Variants in LRRC4C observed in about 807,000 individuals in gnomAD.
LRRC4C encodes leucine-rich repeat-containing protein 4C.
Under a neutral mutation model 33.6 loss-of-function variants are expected in LRRC4C, and 5 were observed. The observed-to-expected ratio is 0.15, with a 90% CI of 0.08 to 0.31. The LOEUF (loss-of-function observed/expected upper bound fraction) is 0.31, where lower values mean the gene tolerates loss of function less well. LRRC4C is among the 10% of genes least tolerant of loss of function. The pLI is 1.00. For synonymous variants in LRRC4C, 329 were observed against 302.0 expected, an observed-to-expected ratio of 1.09 and a Z score of -0.93; for missense variants, 560 against 796.7, an observed-to-expected ratio of 0.70 and a Z score of 3.58.
At chr11:41,279,240 T>G (rs549642569) in intron 1 of LRRC4C, among the ~76,000 whole-genome samples, 1 of 152,262 alleles carries the variant, frequency 6.6e-6, no homozygotes, top group South Asian at 2.1e-4. Context: ...TCCATGTGTT[T>G]GCTATAGTGA....
chr11:40,773,747 A>T (rs1334281723), intron 2 of LRRC4C, among the ~76,000 whole-genome samples: 2 of 152,240 alleles, frequency 1.3e-5, no homozygotes, highest in Non-Finnish European at 2.9e-5. Flanking sequence ...TCAAATACAG[A>T]CAATAAACCA....
At chr11:40,806,371 T>G (rs1355178026) in intron 2 of LRRC4C, among the ~76,000 whole-genome samples, 1 of 152,230 alleles carries the variant, frequency 6.6e-6, no homozygotes, top group Non-Finnish European at 1.5e-5. Flanking sequence ...CCTCCAGCTT[T>G]ATTTGTAGCT....
At chr11:41,032,461 T>G (rs950939498) in intron 1 of LRRC4C, among the ~76,000 whole-genome samples, 2 of 151,238 alleles carry the variant, frequency 1.3e-5, no homozygotes, top group African/African-American at 4.9e-5. Flanking sequence ...GTGTGTGTGG[T>G]TTTTTTTTAG....
At chr11:40,744,039 A>T (rs756109630) in intron 2 of LRRC4C, among the ~76,000 whole-genome samples, 8 of 152,010 alleles carry the variant, frequency 5.3e-5, no homozygotes, top group Non-Finnish European at 1.2e-4. Context: ...TACCTGTTTA[A>T]TTATTTATTT....
chr11:41,415,474 G>A (rs923350511), intron 1 of LRRC4C, among the ~76,000 whole-genome samples: 6 of 152,078 alleles, frequency 3.9e-5, no homozygotes, highest in African/African-American at 9.7e-5. Context: ...AAGTTTAACC[G>A]CTAATTCACT....
chr11:41,236,418 G>A (rs1948024932), intron 1 of LRRC4C, among the ~76,000 whole-genome samples: 1 of 151,904 alleles, frequency 6.6e-6, no homozygotes, highest in Non-Finnish European at 1.5e-5. Context: ...ACAAAACCGA[G>A]TCTAAGACAA....
chr11:41,073,068 C>A (rs1040190459), intron 1 of LRRC4C, among the ~76,000 whole-genome samples: 2 of 152,106 alleles, frequency 1.3e-5, no homozygotes, highest in African/African-American at 2.4e-5. Flanking sequence ...TTCTGGGAAC[C>A]TGTGCATCAC....
intron 1 of LRRC4C, among the ~76,000 whole-genome samples, chr11:40,988,054 G>T (rs933693023): frequency 6.6e-6 from 1 of 152,128 alleles, no homozygotes; most frequent in African/African-American, 2.4e-5. Flanking sequence ...TTGATATGTT[G>T]CAGGACAGGA....
chr11:41,156,226 A>G (rs1382197668), intron 1 of LRRC4C, among the ~76,000 whole-genome samples: 2 of 152,060 alleles, frequency 1.3e-5, no homozygotes, highest in Non-Finnish European at 2.9e-5. Flanking sequence ...ATATTATTAC[A>G]CTGAAAGACA....
At chr11:41,355,117 G>T (rs1306535669) in intron 1 of LRRC4C, among the ~76,000 whole-genome samples, 2 of 151,868 alleles carry the variant, frequency 1.3e-5, no homozygotes, top group Admixed American at 6.6e-5. Flanking sequence ...TATCCAGAAT[G>T]TACAAGGAAC....
chr11:40,374,826 T>C (rs1191642187), intron 3 of LRRC4C, among the ~76,000 whole-genome samples: 2 of 152,126 alleles, frequency 1.3e-5, no homozygotes, highest in Non-Finnish European at 2.9e-5. Flanking sequence ...ATCCTACAAA[T>C]TTTAATGAAG....
chr11:41,172,441 G>A (rs918323982), intron 1 of LRRC4C, among the ~76,000 whole-genome samples: 2 of 152,126 alleles, frequency 1.3e-5, no homozygotes, highest in African/African-American at 4.8e-5. Context: ...CCATTCTGAG[G>A]TTCTTGCCTA....
chr11:40,600,731 A>C lies in LRRC4C; in HGVS notation c.-270+47411T>G, dbSNP rs148791181. Among the ~76,000 whole-genome samples the C allele has an allele frequency of 4.3e-3, 658 of 152,336 alleles. 20 individuals carry two copies. The highest frequency in any genetic ancestry group is 0.032 in the Admixed American group (485 of 15,304). On this transcript the variant is annotated intron_variant, in intron 3 of 6. Transcript: ENST00000528697. ...CACTGGAACAAAGAAACATTATTAG[A>C]ATTTTGGCAGTCTAGATCTCCCATA...
At chr11:40,916,540 C>T (rs1342170908) in intron 2 of LRRC4C, among the ~76,000 whole-genome samples, 4 of 151,862 alleles carry the variant, frequency 2.6e-5, no homozygotes, top group Admixed American at 2.6e-4. Context: ...CACAGCGGGG[C>T]CTGTTGTGGG....
intron 1 of LRRC4C, among the ~76,000 whole-genome samples, chr11:41,389,897 A>G (rs1953522201): frequency 6.6e-6 from 1 of 151,858 alleles, no homozygotes; most frequent in Admixed American, 6.6e-5. Flanking sequence ...ACCATACCCC[A>G]AAATTAACAT....
chr11:40,898,386 T>C (rs530393374), intron 2 of LRRC4C, among the ~76,000 whole-genome samples: 1 of 63,050 alleles, frequency 1.6e-5, no homozygotes, highest in South Asian at 6.2e-4. Context: ...AAAAGAAATG[T>C]AAGCTGCTTT....
At chr11:41,043,874 C>G (rs575781734) in intron 1 of LRRC4C, among the ~76,000 whole-genome samples, 1 of 152,102 alleles carries the variant, frequency 6.6e-6, no homozygotes, top group South Asian at 2.1e-4. Flanking sequence ...TCATTTCTCA[C>G]CTGAACTCCA....
At chr11:40,615,496 GTCCTATCCATGCCAATATTTAC>G (rs1204683566) in intron 3 of LRRC4C, among the ~76,000 whole-genome samples, 2 of 151,310 alleles carry the variant, frequency 1.3e-5, no homozygotes, top group Admixed American at 6.6e-5. Flanking sequence ...CTTCATCACA[GTCCTATCCATGCCAATATTTAC>G]TGGATGACCC....
intron 1 of LRRC4C, among the ~76,000 whole-genome samples, chr11:41,254,987 G>A (rs1948753816): frequency 6.6e-6 from 1 of 151,948 alleles, no homozygotes; most frequent in African/African-American, 2.4e-5. Context: ...ATGTTAAAAC[G>A]ATTAAACTTA....
Sources: gnomAD v4.1 joint callset for allele counts (sites outside exome capture counted in the v4.1 genomes callset) on GRCh38, gnomAD v4.1.1 for gene constraint, MANE v1.5 for transcripts, NCBI Gene and HGNC (gene_info 2026-07-23, HGNC 2026-07-21) for gene names.